Variants in CTSB observed in about 807,000 individuals in gnomAD.
CTSB encodes APP secretase.
A neutral mutation model predicts 44.3 loss-of-function variants in CTSB; 57 were observed. The ratio of observed to expected loss-of-function variants is 1.29; its 90% CI spans 1.04 to 1.60. The LOEUF (loss-of-function observed/expected upper bound fraction) is 1.60, where lower values mean the gene tolerates loss of function less well. CTSB is among the 40% of genes most tolerant of loss of function. The probability of loss-of-function intolerance (pLI) is 0.00; values close to 1 mark genes in which losing one functional copy is unlikely to be tolerated. For missense variants in CTSB, 768 were observed against 443.0 expected (o/e 1.73, Z -6.59); for synonymous variants, 320 against 168.0 (o/e 1.91, Z -7.00).
At chr8:11,847,268 A>G in intron 7 of CTSB, 100 bp from the exon 8 acceptor site, 2 of 777,094 alleles carry the variant, frequency 2.6e-6, no homozygotes, top group Admixed American at 1.8e-5. Flanking sequence ...CTCCAGGGGA[A>G]GACTGCATCT....
chr8:11,856,787 AG>A (rs1815588754), intron 1 of CTSB, among the ~76,000 whole-genome samples: 1 of 152,078 alleles, frequency 6.6e-6, no homozygotes, highest in Non-Finnish European at 1.5e-5. Flanking sequence ...CAAAATGCCA[AG>A]GAAGATGCAC....
At chr8:11,852,557 C>G (rs903879137) in intron 3 of CTSB, 53 bp downstream of exon 3, 41 of 1,508,488 alleles carry the variant, frequency 2.7e-5, no homozygotes, top group Non-Finnish European at 3.6e-5. Context: ...CCCACTGCCC[C>G]AAACCAACGC....
At chr8:11,860,061 C>T (rs954557721) in intron 1 of CTSB, among the ~76,000 whole-genome samples, 1 of 151,820 alleles carries the variant, frequency 6.6e-6, no homozygotes. Context: ...GACAGAGCAA[C>T]ACTCTGTCTC....
intron 5 of CTSB, chr8:11,848,575 C>T (rs1328845961): frequency 5.9e-6 from 2 of 336,918 alleles, no homozygotes; most frequent in Non-Finnish European, 1.2e-5. Context: ...TTTTTTTAAG[C>T]CCTCAGGCAT....
At chr8:11,849,662 C>G (rs1011050560) in intron 4 of CTSB, 2 of 152,590 alleles carry the variant, frequency 1.3e-5, no homozygotes, top group South Asian at 2.1e-4. Flanking sequence ...CTCACTGCAA[C>G]CTACGCCTCC....
intron 1 of CTSB, chr8:11,853,821 A>T (rs1266960818): frequency 3.5e-5 from 7 of 199,084 alleles, no homozygotes; most frequent in Non-Finnish European, 7.2e-5. Context: ...GAGTGATATG[A>T]AACAGTTAAG....
In CTSB at chr8:11,847,062, G is replaced by C. The variant is rs372875071; in HGVS notation, c.783C>G (p.Leu261=). The C allele has an allele frequency of 1.0e-5, 16 of 1,571,942 alleles. No individual in the cohort carries two copies. The highest frequency in any genetic ancestry group is 9.5e-5 in the African/African-American group (7 of 74,016). Residue 261 remains leucine, a synonymous_variant, in exon 8 of 10, where the codon CTC becomes CTG. Transcript: ENST00000353047. ...GCCATCAGCACGCACCTGACTTGTA[G>C]AGCAGGAAGTCCGAATACACAGAGA... ...GAFSVYSDFL[L]YKSGVYQHVT...
At position 11,847,090 on chromosome 8, in the gene CTSB, G is replaced by A. The variant is rs774259460; in HGVS notation, c.755C>T (p.Ala252Val). The change falls in exon 8 of 10, where the codon GCT becomes GTT. Residue 252 changes from alanine (A) to valine (V), a missense_variant. Transcript: ENST00000353047. ...CAGGAAGTCCGAATACACAGAGAAA[G>A]CTCCCTCCACGGGGCCGTTTTTGTA... ...EIYKNGPVEG[A>V]FSVYSDFLLY... 1.9e-6 allele frequency: 3 copies of A among 1,611,016 alleles called. No individual in the cohort carries two copies. Among genetic ancestry groups the A allele is most frequent in the Non-Finnish European group, 1.7e-6 (2 of 1,177,810 alleles).
At chr8:11,857,452 G>T (rs1815693271) in intron 1 of CTSB, among the ~76,000 whole-genome samples, 1 of 152,200 alleles carries the variant, frequency 6.6e-6, no homozygotes, top group Non-Finnish European at 1.5e-5. Context: ...AGACAGCAGT[G>T]TCCTTGGATG....
chr8:11,856,869 T>G (rs1586165240), intron 1 of CTSB, among the ~76,000 whole-genome samples: 2 of 149,766 alleles, frequency 1.3e-5, no homozygotes. Flanking sequence ...AAAAAAAAAG[T>G]GAGTATGTTC....
Position 11,845,003 on chromosome 8 carries a change from T to A in CTSB, c.*122A>T, listed in dbSNP as rs1812991635. 1.5e-6 allele frequency: 1 copy of A among 688,312 alleles called. No homozygotes were observed. The highest frequency in any genetic ancestry group is 1.8e-5 in the African/African-American group (1 of 56,348). The allele number at this position is 688,312 out of a possible 1,614,324, so 42.6% of individuals were successfully genotyped here. On this transcript the variant is annotated 3_prime_UTR_variant, in exon 10 of 10. Coordinates refer to ENST00000353047, the MANE Select transcript of CTSB (RefSeq NM_001908.5). ...TGGTCTCCTTGGAAGACAGGTCTGA[T>A]GTTTGGCCAATCCAGTCCTTCAGAC...
chr8:11,848,973 T>A (rs932065533), intron 5 of CTSB, 73 bp downstream of exon 5: 4 of 1,112,446 alleles, frequency 3.6e-6, no homozygotes, highest in Non-Finnish European at 5.4e-6. Flanking sequence ...GTCCTCAAAG[T>A]CCCCTCCACT....
At chr8:11,858,189 GCT>G (rs1364956026) in intron 1 of CTSB, among the ~76,000 whole-genome samples, 1 of 152,234 alleles carries the variant, frequency 6.6e-6, no homozygotes, top group East Asian at 1.9e-4. Context: ...GCTCCAGCGG[GCT>G]CTGTTCCCTC....
At chr8:11,860,423 A>G (rs1290786305) in intron 1 of CTSB, among the ~76,000 whole-genome samples, 1 of 152,148 alleles carries the variant, frequency 6.6e-6, no homozygotes, top group African/African-American at 2.4e-5. Flanking sequence ...GGAGTTCGAG[A>G]CCAGCCTGGC....
intron 1 of CTSB, among the ~76,000 whole-genome samples, chr8:11,856,153 A>G (rs1405863448): frequency 2.6e-5 from 4 of 152,090 alleles, no homozygotes; most frequent in African/African-American, 9.7e-5. Flanking sequence ...GGGCTTAGGA[A>G]GTGGGGAAAC....
intron 1 of CTSB, chr8:11,864,480 G>A (rs184502084): frequency 5.3e-5 from 8 of 152,012 alleles, no homozygotes; most frequent in Non-Finnish European, 1.2e-4. Context: ...GACAAAGCAA[G>A]ACCCTGTCAT....
chr8:11,860,221 C>CA (rs925546989), intron 1 of CTSB, among the ~76,000 whole-genome samples: 1 of 152,218 alleles, frequency 6.6e-6, no homozygotes, highest in Non-Finnish European at 1.5e-5. Flanking sequence ...GGCTGATAGA[C>CA]AAAAAAAGTG....
intron 1 of CTSB, among the ~76,000 whole-genome samples, chr8:11,857,063 G>A (rs533869484): frequency 6.6e-6 from 1 of 152,138 alleles, no homozygotes; most frequent in Non-Finnish European, 1.5e-5. Flanking sequence ...TCGCTCTGTG[G>A]CACATGCTGG....
chr8:11,847,433 C>A (rs982061691), intron 7 of CTSB, among the ~76,000 whole-genome samples: 1 of 152,188 alleles, frequency 6.6e-6, no homozygotes, highest in Non-Finnish European at 1.5e-5. Context: ...ACACGCCACT[C>A]CCTTGTAAAA....
Sources: gnomAD v4.1 joint callset for allele counts (sites outside exome capture counted in the v4.1 genomes callset) on GRCh38, gnomAD v4.1.1 for gene constraint, MANE v1.5 for transcripts, NCBI Gene and HGNC (gene_info 2026-07-23, HGNC 2026-07-21) for gene names.